Variants in TTC28 observed in about 807,000 individuals in gnomAD.
TTC28 encodes the protein tetratricopeptide repeat protein 28.
Under a neutral mutation model 198.0 loss-of-function variants are expected in TTC28, and 61 were observed. The observed-to-expected ratio is 0.31, with a 90% CI of 0.25 to 0.38. TTC28 has a LOEUF of 0.38. TTC28 is among the 10% of genes least tolerant of loss of function. The pLI, the probability that TTC28 is intolerant of heterozygous loss-of-function variation, is 1.00. For synonymous variants in TTC28, 1,171 were observed against 1,297.8 expected (o/e 0.90, Z 2.10); for missense variants, 2,678 against 3,164.0 (o/e 0.85, Z 3.69).
At chr22:28,390,789 CTT>C (rs1346147466) in intron 2 of TTC28, among the ~76,000 whole-genome samples, 3 of 152,270 alleles carry the variant, frequency 2.0e-5, no homozygotes, top group East Asian at 1.9e-4. Context: ...GGTCTTGACT[CTT>C]TATCCAATTT....
intron 2 of TTC28, among the ~76,000 whole-genome samples, chr22:28,417,923 G>T (rs149720503): frequency 1.3e-5 from 2 of 152,174 alleles, no homozygotes; most frequent in African/African-American, 2.4e-5. Flanking sequence ...ACTACTCTTT[G>T]GTTTCTCTAA....
At chr22:28,258,155 G>C (rs75631417) in intron 5 of TTC28, among the ~76,000 whole-genome samples, 2 of 152,116 alleles carry the variant, frequency 1.3e-5, no homozygotes, top group South Asian at 2.1e-4. Flanking sequence ...GTCCTTCAAA[G>C]AGCTGTGCCT....
intron 2 of TTC28, among the ~76,000 whole-genome samples, chr22:28,404,750 T>C (rs548167316): frequency 6.6e-6 from 1 of 152,356 alleles, no homozygotes; most frequent in Admixed American, 6.5e-5. Context: ...CTGTTCATTT[T>C]ATATATCTCA....
rs1182181669 is a variant in TTC28 at position 28,297,996 on chromosome 22, A to C, written c.530-144T>G. On this transcript the variant is annotated intron_variant, in intron 3 of 22. Transcript: ENST00000397906. ...GTATAAACTCTTCAACCTTTATTCT[A>C]GCACCACTTATCTCATATGACTAGC... 14 of 956,480 alleles carry C rather than the reference A, an allele frequency of 1.5e-5. No individual in the cohort carries two copies. The Admixed American group carries it at 1.7e-4, about 12-fold the overall frequency. 59.2% of individuals were successfully genotyped at this position (956,480 alleles called of 1,614,324 possible). A position where few individuals can be genotyped will look rare whatever the true frequency, so the allele number is the denominator to read the frequency against.
chr22:28,128,034 CT>C (rs1322982483), intron 6 of TTC28, among the ~76,000 whole-genome samples: 2 of 151,910 alleles, frequency 1.3e-5, no homozygotes, highest in Non-Finnish European at 2.9e-5. Context: ...TAGACACCTT[CT>C]TCATTTCTAG....
intron 12 of TTC28, among the ~76,000 whole-genome samples, chr22:28,041,641 C>T (rs1939644139): frequency 6.6e-6 from 1 of 152,128 alleles, no homozygotes; most frequent in African/African-American, 2.4e-5. Flanking sequence ...TAGAAGAAAA[C>T]CTAGGCAATA....
intron 8 of TTC28, among the ~76,000 whole-genome samples, chr22:28,104,665 C>T (rs1406504941): frequency 1.3e-5 from 2 of 152,112 alleles, no homozygotes; most frequent in African/African-American, 4.8e-5. Flanking sequence ...TCTAGGCCAG[C>T]CTGGAACAAG....
At chr22:28,330,431 T>C (rs1313909515) in intron 2 of TTC28, among the ~76,000 whole-genome samples, 1 of 152,174 alleles carries the variant, frequency 6.6e-6, no homozygotes, top group Non-Finnish European at 1.5e-5. Context: ...TTAGGGTCCC[T>C]TGCACCACAT....
At chr22:28,575,336 T>C (rs1367975396) in intron 2 of TTC28, among the ~76,000 whole-genome samples, 5 of 152,224 alleles carry the variant, frequency 3.3e-5, no homozygotes, top group Non-Finnish European at 7.4e-5. Context: ...TCACTGCAGA[T>C]GTACGGATTT....
At chr22:28,475,297 C>T (rs1177916877) in intron 2 of TTC28, among the ~76,000 whole-genome samples, 3 of 152,024 alleles carry the variant, frequency 2.0e-5, no homozygotes, top group African/African-American at 7.2e-5. Context: ...AGGCAGGAAA[C>T]CACCCTGGAC....
chr22:28,374,426 A>C (rs929678534), intron 2 of TTC28, among the ~76,000 whole-genome samples: 1 of 152,212 alleles, frequency 6.6e-6, no homozygotes, highest in East Asian at 1.9e-4. Context: ...CTTGCCTTGA[A>C]AAAATATAAA....
intron 2 of TTC28, among the ~76,000 whole-genome samples, chr22:28,464,648 T>C (rs2146286078): frequency 1.3e-5 from 2 of 152,348 alleles, no homozygotes; most frequent in Middle Eastern, 3.4e-3. Context: ...GAATCTTCTT[T>C]AGAACAGAAC....
chr22:28,099,007 T>C lies in TTC28; in HGVS notation c.3455A>G (p.His1152Arg). The C allele has an allele frequency of 6.4e-7, 1 of 1,551,964 alleles. No homozygotes were observed. Among genetic ancestry groups the C allele is most frequent in the Non-Finnish European group, 8.7e-7 (1 of 1,147,048 alleles). Residue 1152 changes from histidine to arginine, a missense_variant, in exon 10 of 23, where the codon CAT becomes CGT. Around this residue, in one of 8 missense-constraint regions of TTC28, gnomAD observed 727 missense variants for 861.9 expected, o/e 0.84. Transcript: ENST00000397906. ...RASALFETIR[H>R]EAQLSTDYKL... The stretch of plus-strand genomic sequence containing the variant: ...GTAGTCCGTGCTCAGCTGTGCCTCA[T>C]GTCGGATTGTTTCAAACAAGGCTGA...
At chr22:28,639,277 G>A (rs900948862) in intron 1 of TTC28, among the ~76,000 whole-genome samples, 10 of 152,066 alleles carry the variant, frequency 6.6e-5, no homozygotes, top group South Asian at 2.1e-4. Context: ...GATTTTATAC[G>A]CTGATATAGA....
intron 2 of TTC28, among the ~76,000 whole-genome samples, chr22:28,543,394 A>T (rs2049461491): frequency 2.0e-5 from 3 of 148,206 alleles, no homozygotes; most frequent in Admixed American, 2.0e-4. Context: ...AGAAAAGAAG[A>T]TGAAGATGAA....
At chr22:28,460,186 G>C (rs1421632133) in intron 2 of TTC28, among the ~76,000 whole-genome samples, 1 of 152,082 alleles carries the variant, frequency 6.6e-6, no homozygotes. Context: ...AGCCAGGTCA[G>C]ACTCAAAGTA....
chr22:28,246,531 T>C (rs1930108741), intron 5 of TTC28, among the ~76,000 whole-genome samples: 1 of 152,210 alleles, frequency 6.6e-6, no homozygotes, highest in Non-Finnish European at 1.5e-5. Context: ...TATGCAACTA[T>C]GCTAGGAATA....
intron 2 of TTC28, among the ~76,000 whole-genome samples, chr22:28,536,591 T>G (rs1258437086): frequency 2.0e-5 from 3 of 151,980 alleles, no homozygotes; most frequent in Non-Finnish European, 4.4e-5. Flanking sequence ...GCCACTGCAC[T>G]CCAGCCTGGG....
chr22:28,014,208 T>A, intron 14 of TTC28, 40 bp downstream of exon 14: 1 of 1,534,724 alleles, frequency 6.5e-7, no homozygotes, highest in Non-Finnish European at 8.8e-7. Context: ...AGCGATGTGT[T>A]CTGATGCGGA....
Sources: gnomAD v4.1 joint callset for allele counts (sites outside exome capture counted in the v4.1 genomes callset) on GRCh38, gnomAD v4.1.1 for gene constraint, gnomAD v4.1.1 regional missense constraint, MANE v1.5 for transcripts, NCBI Gene and HGNC (gene_info 2026-07-23, HGNC 2026-07-21) for gene names.